The following ARL1 variants were observed in gnomAD, a reference collection of about 807,000 sequenced individuals.
ARL1 encodes ADP-ribosylation factor-like protein 1.
ARL1 carries 17 observed loss-of-function variants against 30.1 expected under a neutral mutation model. That is an observed-to-expected ratio of 0.56 (90% CI 0.39 to 0.85). The LOEUF (loss-of-function observed/expected upper bound fraction) is 0.85. Among genes scored for constraint, ARL1 ranks in the 40% least tolerant of loss-of-function variants. The pLI, the probability that ARL1 is intolerant of heterozygous loss-of-function variation, is 0.00. For missense variants in ARL1, 102 were observed against 212.6 expected, an observed-to-expected ratio of 0.48 and a Z score of 3.24; for synonymous variants, 58 against 71.7, an observed-to-expected ratio of 0.81 and a Z score of 0.97.
At chr12:101,396,867 A>G (rs2121105720) in intron 4 of ARL1, among the ~76,000 whole-genome samples, 1 of 152,310 alleles carries the variant, frequency 6.6e-6, no homozygotes, top group East Asian at 1.9e-4. Context: ...TCACATTTAT[A>G]TATAGTTCCA....
intron 1 of ARL1, chr12:101,407,119 G>C (rs10507131): frequency 0.59 from 90,913 of 155,042 alleles, 29,562 homozygotes; most frequent in Middle Eastern, 0.77. Context: ...CGCTACAGCA[G>C]ATTAGCAGAC....
At chr12:101,405,802 A>T (rs1041845652) in intron 2 of ARL1, 42 bp downstream of exon 2, 8 of 1,505,894 alleles carry the variant, frequency 5.3e-6, no homozygotes, top group Non-Finnish European at 6.2e-6. Flanking sequence ...TTGGATGGAG[A>T]CCAGAAAGTC....
rs773621313 is a variant in ARL1 at position 101,407,629 on chromosome 12, T to C, written c.4+13A>G. The C allele has an allele frequency of 7.4e-6, 12 of 1,610,894 alleles. No individual in the cohort carries two copies. The highest frequency in any genetic ancestry group is 9.3e-6 in the Non-Finnish European group (11 of 1,179,684). ...CCTCGAGCGCGCCCAGGTGCCCTTC[T>C]CGAACCCCTCACCCATGATGAACCC... is the stretch of plus-strand genomic sequence containing the variant. On this transcript the variant is annotated intron_variant, in intron 1 of 5. Transcript: ENST00000261636.
In ARL1 at chr12:101,393,711, A is replaced by G. The variant is rs1871071991; in HGVS notation, c.*1929T>C. On this transcript the variant is annotated 3_prime_UTR_variant, in exon 6 of 6. Transcript: ENST00000261636. ...GCAACTTCATGCCCTAGGATTCAAG[A>G]TGGCCAGCGGCTACATGCCGGGTCT... is the stretch of plus-strand genomic sequence containing the variant. 1 of 152,132 alleles carries G rather than the reference A, an allele frequency of 6.6e-6. No homozygotes were observed. The highest frequency in any genetic ancestry group is 1.5e-5 in the Non-Finnish European group (1 of 68,050). The allele number at this position is 152,132 out of a possible 1,614,324, so 9.4% of individuals were successfully genotyped here.
chr12:101,403,056 AAT>A (rs151332541), intron 2 of ARL1, 110 bp from the exon 3 acceptor site: 2,370 of 507,074 alleles, frequency 4.7e-3, no homozygotes, highest in Middle Eastern at 6.3e-3. Context: ...TAGAGTTTAA[AAT>A]ATATATATAT....
At chr12:101,403,820 T>G (rs1216074708) in intron 2 of ARL1, 1 of 152,270 alleles carries the variant, frequency 6.6e-6, no homozygotes, top group Non-Finnish European at 1.5e-5. Flanking sequence ...ATTAGCCGGG[T>G]GTGGTGGCAC....
At chr12:101,400,505 G>T (rs1274120363) in intron 4 of ARL1, 2 of 152,360 alleles carry the variant, frequency 1.3e-5, no homozygotes, top group African/African-American at 4.8e-5. Context: ...GAAGAGATGT[G>T]GGAAGAAACA....
intron 1 of ARL1, 46 bp from the exon 2 acceptor site, chr12:101,406,027 A>C: frequency 1.4e-6 from 2 of 1,459,540 alleles, no homozygotes; most frequent in Non-Finnish European, 9.2e-7. Context: ...CATTTTGTGA[A>C]CTAGGTATAC....
chr12:101,401,093 A>G lies in ARL1; in HGVS notation c.305T>C (p.Ile102Thr). 6.2e-7 allele frequency: 1 copy of G among 1,613,872 alleles called. No individual in the cohort carries two copies. The change falls in exon 4 of 6, where the codon ATT becomes ACT. Residue 102 changes from isoleucine to threonine, a missense_variant. Ile to Thr is a moderately conservative substitution (Grantham distance 89). Transcript: ENST00000261636. ...VDSCDRDRIGISKSELVAMLE... is the reference protein window; with the variant it reads ...VDSCDRDRIGTSKSELVAMLE... ...CATGGCAACTAACTCTGATTTGGAA[A>G]TGCCAATTCGGTCTCGGTCACAACT...
chr12:101,407,324 C>G (rs957414981), intron 1 of ARL1: 1 of 353,088 alleles, frequency 2.8e-6, no homozygotes, highest in African/African-American at 2.1e-5. Flanking sequence ...CTCTGCCCAG[C>G]AAGTGGAGCT....
Position 101,405,988 on chromosome 12 carries a change from A to G in ARL1, c.5-7T>C. 1.3e-6 allele frequency: 2 copies of G among 1,551,412 alleles called. No individual in the cohort carries two copies. The highest frequency in any genetic ancestry group is 1.7e-6 in the Non-Finnish European group (2 of 1,148,890). ...ATACTTGAGAAAAAGCCACCTAAAA[A>G]ATAATAAAAGAAAAAACATACACAA... is the stretch of plus-strand genomic sequence containing the variant. On this transcript the variant is annotated splice_region_variant and splice_polypyrimidine_tract_variant and intron_variant, in intron 1 of 5. Transcript: ENST00000261636.
At chr12:101,397,078 C>T (rs1281871337) in intron 4 of ARL1, among the ~76,000 whole-genome samples, 1 of 152,128 alleles carries the variant, frequency 6.6e-6, no homozygotes, top group Non-Finnish European at 1.5e-5. Context: ...ACAAAAATTT[C>T]TGTTTAAATC....
At position 101,396,380 on chromosome 12, in the gene ARL1, C is replaced by G. The variant is rs775525503; in HGVS notation, c.515+19G>C. ...GCACACACAAATGCACAGATGGCTT[C>G]TGGAAGCATGATACTTGCCATTCCA... On this transcript the variant is annotated intron_variant, in intron 5 of 5. Transcript: ENST00000261636. 5 of 1,613,900 alleles carry G rather than the reference C, an allele frequency of 3.1e-6. No homozygotes were observed. The highest frequency in any genetic ancestry group is 4.2e-6 in the Non-Finnish European group (5 of 1,179,884).
At chr12:101,398,985 C>A (rs1336766262) in intron 4 of ARL1, among the ~76,000 whole-genome samples, 1 of 151,976 alleles carries the variant, frequency 6.6e-6, no homozygotes, top group Non-Finnish European at 1.5e-5. Flanking sequence ...GATAAAAATA[C>A]ACTATATCAT....
At chr12:101,402,288 A>G (rs775789140) in intron 3 of ARL1, among the ~76,000 whole-genome samples, 5 of 152,172 alleles carry the variant, frequency 3.3e-5, no homozygotes, top group Non-Finnish European at 7.4e-5. Context: ...GTCCTGGTAC[A>G]AGCAATTCTC....
intron 2 of ARL1, chr12:101,403,247 C>A: frequency 4.4e-6 from 2 of 454,620 alleles, no homozygotes; most frequent in South Asian, 1.7e-5. Flanking sequence ...TTTTTAAAAG[C>A]CAGCAGTTCT....
chr12:101,407,757 T>C lies in ARL1; in HGVS notation c.-112A>G. 6.6e-7 allele frequency: 1 copy of C among 1,506,490 alleles called. No homozygotes were observed. Among genetic ancestry groups the C allele is most frequent in the East Asian group, 2.3e-5 (1 of 44,146 alleles). 93.3% of individuals were successfully genotyped at this position (1,506,490 alleles called of 1,614,324 possible). ...TCAGCCAGCAACTTCCACGTCGGAC[T>C]CCAGGCGGGGGCGGGAGCGAGGGTC... On this transcript the variant is annotated 5_prime_UTR_variant, in exon 1 of 6. Coordinates refer to ENST00000261636, the MANE Select transcript of ARL1 (RefSeq NM_001177.6).
chr12:101,403,391 A>T, intron 2 of ARL1: 1 of 261,514 alleles, frequency 3.8e-6, no homozygotes, highest in Non-Finnish European at 7.5e-6. Context: ...AGTAGTTAAA[A>T]GTGTTCGAAA....
chr12:101,401,915 G>A (rs1191659768), intron 3 of ARL1, among the ~76,000 whole-genome samples: 1 of 151,794 alleles, frequency 6.6e-6, no homozygotes, highest in African/African-American at 2.4e-5. Context: ...AGTAGAAATG[G>A]CTAAAATTAT....
Sources: gnomAD v4.1 joint callset for allele counts (sites outside exome capture counted in the v4.1 genomes callset) on GRCh38, gnomAD v4.1.1 for gene constraint, MANE v1.5 for transcripts, NCBI Gene and HGNC (gene_info 2026-07-23, HGNC 2026-07-21) for gene names.